CACNA2D4: variants seen among roughly 807,000 people sequenced by gnomAD.
The protein encoded by CACNA2D4 is voltage-dependent calcium channel subunit alpha-2/delta-4.
In CACNA2D4, 157 loss-of-function variants were observed where a neutral mutation model predicts 163.8. The observed-to-expected ratio is 0.96, with a 90% CI of 0.84 to 1.09. The LOEUF (loss-of-function observed/expected upper bound fraction) is 1.09. Among genes scored for constraint, CACNA2D4 ranks in the 50% least tolerant of loss-of-function variants. The pLI is 0.00. For missense variants in CACNA2D4, 1,410 were observed against 1,479.9 expected (o/e 0.95, Z 0.78); for synonymous variants, 598 against 586.9 (o/e 1.02, Z -0.27).
chr12:1,819,840 G>T (rs1443188663), intron 26 of CACNA2D4, among the ~76,000 whole-genome samples: 1 of 152,186 alleles, frequency 6.6e-6, no homozygotes, highest in African/African-American at 2.4e-5. Flanking sequence ...GCAGGCTGCT[G>T]CTGCAGGCTG....
At position 1,834,673 on chromosome 12, in the gene CACNA2D4, C is replaced by T. The variant is rs1289565278; in HGVS notation, c.2551+6066G>A. On this transcript the variant is annotated intron_variant, in intron 26 of 37. Transcript: ENST00000382722. The surrounding 1 kb of genome is among the most constrained non-coding windows in gnomAD (Gnocchi z 7.6). Reference sequence around the variant, plus strand: ...AAAAGCGCCAGCCCCTGATGGGGGACCCCGAGGGCGAGCACGAGGACCAGA... The same window carrying T: ...AAAAGCGCCAGCCCCTGATGGGGGATCCCGAGGGCGAGCACGAGGACCAGA... The T allele has an allele frequency of 6.2e-7, 1 of 1,601,766 alleles. No homozygotes were observed. The highest frequency in any genetic ancestry group is 1.7e-5 in the Admixed American group (1 of 59,998).
chr12:1,829,040 G>A lies in CACNA2D4; in HGVS notation c.2551+11699C>T, dbSNP rs1384747925. 1.3e-5 allele frequency among the ~76,000 whole-genome samples: 2 copies of A among 152,232 alleles called. No homozygotes were observed. The highest frequency in any genetic ancestry group is 2.9e-5 in the Non-Finnish European group (2 of 68,048). ...GCAGCCTGAATTATTCACCATGTGAGAGAGGCTGGCCCCTGAGTGACTCAG... is the reference window on the plus strand; with the variant it reads ...GCAGCCTGAATTATTCACCATGTGAAAGAGGCTGGCCCCTGAGTGACTCAG... On this transcript the variant is annotated intron_variant, in intron 26 of 37. Transcript: ENST00000382722. This position sits in a 1 kb window ranked among gnomAD's most constrained non-coding sequence, Gnocchi z 4.2.
chr12:1,797,840 G>T (rs545199117), intron 34 of CACNA2D4, among the ~76,000 whole-genome samples: 2 of 152,284 alleles, frequency 1.3e-5, no homozygotes, highest in African/African-American at 4.8e-5. Flanking sequence ...CATCTCCAGG[G>T]CCCCTTCCAG....
chr12:1,879,905 G>A (rs1565726005), intron 13 of CACNA2D4, 24 bp from the exon 14 acceptor site: 2 of 1,561,856 alleles, frequency 1.3e-6, no homozygotes, highest in African/African-American at 1.4e-5. Context: ...GAGAACAGGG[G>A]TCAGAAGGTG....
At chr12:1,858,022 C>T (rs531165832) in intron 20 of CACNA2D4, among the ~76,000 whole-genome samples, 1 of 152,278 alleles carries the variant, frequency 6.6e-6, no homozygotes, top group East Asian at 1.9e-4. Flanking sequence ...CCTGAGGCTC[C>T]TAGACCTGGA....
At chr12:1,846,295 C>T (rs1203855943) in intron 24 of CACNA2D4, among the ~76,000 whole-genome samples, 1 of 152,204 alleles carries the variant, frequency 6.6e-6, no homozygotes, top group African/African-American at 2.4e-5. Context: ...CTCTCCCTGA[C>T]TGGTCCGGCC....
At chr12:1,817,489 C>T (rs1215027768) in intron 26 of CACNA2D4, among the ~76,000 whole-genome samples, 2 of 152,240 alleles carry the variant, frequency 1.3e-5, no homozygotes, top group Non-Finnish European at 2.9e-5. Flanking sequence ...CCTCTCCCCA[C>T]GGTCTCCCTC....
At chr12:1,795,429 C>T (rs1863088540) in intron 36 of CACNA2D4, 48 bp from the exon 37 acceptor site, 7 of 1,550,464 alleles carry the variant, frequency 4.5e-6, no homozygotes, top group African/African-American at 2.7e-5. Context: ...GGAGCCCATT[C>T]TGCAGACTGG....
chr12:1,816,956 A>G (rs552709876), intron 26 of CACNA2D4, among the ~76,000 whole-genome samples: 1 of 152,366 alleles, frequency 6.6e-6, no homozygotes, highest in Admixed American at 6.5e-5. Flanking sequence ...GCACATGAAC[A>G]TATGAGTTTG....
chr12:1,795,230 G>T, intron 37 of CACNA2D4, 69 bp downstream of exon 37: 2 of 1,422,208 alleles, frequency 1.4e-6, no homozygotes, highest in Non-Finnish European at 9.8e-7. Context: ...GTCTGCAGGG[G>T]CACAGACCCA....
intron 22 of CACNA2D4, among the ~76,000 whole-genome samples, chr12:1,855,517 G>A (rs1865380724): frequency 6.6e-6 from 1 of 152,200 alleles, no homozygotes. Flanking sequence ...GAGCACCTGG[G>A]GCTCCTAGAC....
At chr12:1,858,203 C>T (rs1168471262) in intron 20 of CACNA2D4, among the ~76,000 whole-genome samples, 2 of 152,200 alleles carry the variant, frequency 1.3e-5, no homozygotes, top group African/African-American at 2.4e-5. Context: ...ACAGGCTTCC[C>T]TCCTCTTTCT....
Position 1,828,579 on chromosome 12 carries a change from C to T in CACNA2D4, c.2551+12160G>A, listed in dbSNP as rs1032710100. Among the ~76,000 whole-genome samples, 8 of 152,238 alleles carry T rather than the reference C, an allele frequency of 5.3e-5. No individual in the cohort carries two copies. The highest frequency in any genetic ancestry group is 1.9e-4 in the East Asian group (1 of 5,196). ...CAGCCTCACTGGTGCCTGAGCTTGT[C>T]GGCCTGTGTCACAGACTGCGGCGAG... On this transcript the variant is annotated intron_variant, in intron 26 of 37. Transcript: ENST00000382722. The surrounding 1 kb of genome is among the most constrained non-coding windows in gnomAD (Gnocchi z 4.2).
chr12:1,896,654 C>CAAAAAAAA (rs367710895), intron 6 of CACNA2D4, among the ~76,000 whole-genome samples: 31 of 124,000 alleles, frequency 2.5e-4, no homozygotes, highest in African/African-American at 8.9e-4. Flanking sequence ...CACACACACA[C>CAAAAAAAA]AAAACAGATG....
At chr12:1,805,561 C>G (rs1269660303) in intron 29 of CACNA2D4, among the ~76,000 whole-genome samples, 4 of 152,224 alleles carry the variant, frequency 2.6e-5, no homozygotes, top group Non-Finnish European at 5.9e-5. Context: ...ACCTGCCCCT[C>G]CGTCCTCCAG....
chr12:1,810,129 C>T, intron 29 of CACNA2D4, 149 bp downstream of exon 29: 1 of 651,556 alleles, frequency 1.5e-6, no homozygotes, highest in East Asian at 2.7e-5. Flanking sequence ...GGTGTCAGAA[C>T]ACCATGTTCT....
At position 1,869,496 on chromosome 12, in the gene CACNA2D4, T is replaced by A. The variant is rs1592722492; in HGVS notation, c.1878+5108A>T. ...GCGGGTCATCTGCCATCCTGATGGG[T>A]AGAGTTGGTGAGTGACAGATGTGGG... On this transcript the variant is annotated intron_variant, in intron 18 of 37. Transcript: ENST00000382722. This position sits in a 1 kb window ranked among gnomAD's most constrained non-coding sequence, Gnocchi z 4.7. 6.6e-6 allele frequency among the ~76,000 whole-genome samples: 1 copy of A among 152,214 alleles called. No homozygotes were observed. Among genetic ancestry groups the A allele is most frequent in the Non-Finnish European group, 1.5e-5 (1 of 68,030 alleles).
chr12:1,795,381 T>C lies in CACNA2D4; in HGVS notation c.3227A>G (p.Tyr1076Cys). Residue 1076 changes from tyrosine to cysteine, a missense_variant and splice_region_variant, in exon 37 of 38, where the codon TAT (tyrosine) becomes TGT (cysteine). Tyr to Cys is a radical substitution (Grantham distance 194). Transcript: ENST00000382722. ...CCGGTCACATTTGACAGAGGCATTATGTGCAGAAGCCACTGTTAAGGTCAA... is the reference window on the plus strand; with the variant it reads ...CCGGTCACATTTGACAGAGGCATTACGTGCAGAAGCCACTGTTAAGGTCAA... ...PVLQEATEVK[Y>C]NASVKCDRMR... 4 of 1,609,958 alleles carry C rather than the reference T, an allele frequency of 2.5e-6. No homozygotes were observed. The highest frequency in any genetic ancestry group is 3.4e-6 in the Non-Finnish European group (4 of 1,179,560).
At chr12:1,865,226 G>A (rs542797682) in intron 18 of CACNA2D4, among the ~76,000 whole-genome samples, 3 of 152,340 alleles carry the variant, frequency 2.0e-5, no homozygotes, top group East Asian at 3.9e-4. Flanking sequence ...TGGAAATCTA[G>A]GCCTGGATCG....
Sources: gnomAD v4.1 joint callset for allele counts (sites outside exome capture counted in the v4.1 genomes callset) on GRCh38, gnomAD v4.1.1 for gene constraint, Gnocchi (gnomAD v3.1) non-coding constraint, MANE v1.5 for transcripts, NCBI Gene and HGNC (gene_info 2026-07-23, HGNC 2026-07-21) for gene names.